Variants in SDK1 observed in about 807,000 individuals in gnomAD.
SDK1 encodes the protein protein sidekick-1.
A neutral mutation model predicts 245.5 loss-of-function variants in SDK1; 157 were observed. The ratio of observed to expected loss-of-function variants is 0.64; its 90% CI spans 0.56 to 0.73. The LOEUF (loss-of-function observed/expected upper bound fraction) is 0.73. Among genes scored for constraint, SDK1 ranks in the 30% least tolerant of loss-of-function variants. The pLI is 0.00. For synonymous variants in SDK1, 1,647 were observed against 1,278.5 expected (o/e 1.29, Z -6.15); for missense variants, 3,583 against 3,002.3 (o/e 1.19, Z -4.52).
chr7:3,346,215 C>G (rs1409357613), intron 1 of SDK1, among the ~76,000 whole-genome samples: 1 of 152,056 alleles, frequency 6.6e-6, no homozygotes, highest in African/African-American at 2.4e-5. Context: ...TGATTGTGCC[C>G]TGCATGTGGG....
intron 5 of SDK1, among the ~76,000 whole-genome samples, chr7:3,902,496 TAC>T (rs1236989172): frequency 6.6e-6 from 1 of 152,254 alleles, no homozygotes; most frequent in Non-Finnish European, 1.5e-5. Flanking sequence ...CATTAAGGGT[TAC>T]AGTCAGATAT....
intron 1 of SDK1, among the ~76,000 whole-genome samples, chr7:3,597,482 C>A (rs1477747433): frequency 6.6e-6 from 1 of 152,028 alleles, no homozygotes; most frequent in Non-Finnish European, 1.5e-5. Context: ...CACAGAACAC[C>A]GGCGGCGGGG....
chr7:4,153,063 G>T (rs1441829545), intron 30 of SDK1, among the ~76,000 whole-genome samples: 4 of 152,146 alleles, frequency 2.6e-5, no homozygotes, highest in African/African-American at 9.6e-5. Context: ...GCGGGCTCAG[G>T]GGGTGGCTGT....
At chr7:3,983,469 G>A (rs1355175896) in intron 13 of SDK1, among the ~76,000 whole-genome samples, 1 of 149,086 alleles carries the variant, frequency 6.7e-6, no homozygotes, top group African/African-American at 2.5e-5. Flanking sequence ...AGGCTCAGAT[G>A]ATCACCTTTT....
intron 4 of SDK1, among the ~76,000 whole-genome samples, chr7:3,789,126 A>G (rs1781000015): frequency 6.6e-6 from 1 of 152,066 alleles, no homozygotes; most frequent in Non-Finnish European, 1.5e-5. Context: ...AAGGCCACTA[A>G]CCGGGGAAAG....
At chr7:3,611,847 G>A (rs191341949) in intron 1 of SDK1, among the ~76,000 whole-genome samples, 5 of 152,208 alleles carry the variant, frequency 3.3e-5, no homozygotes, top group Middle Eastern at 3.4e-3. Flanking sequence ...TGGTGATGGG[G>A]TGAAAAGGGA....
intron 4 of SDK1, among the ~76,000 whole-genome samples, chr7:3,785,715 A>G (rs1484208174): frequency 1.3e-5 from 2 of 152,174 alleles, no homozygotes; most frequent in East Asian, 3.9e-4. Flanking sequence ...AAAAAAAAAT[A>G]CACTTGCTCA....
At chr7:3,723,011 A>G (rs1189501974) in intron 4 of SDK1, among the ~76,000 whole-genome samples, 1 of 152,254 alleles carries the variant, frequency 6.6e-6, no homozygotes, top group East Asian at 1.9e-4. Flanking sequence ...AGAAGTAACA[A>G]GTAATATTCA....
chr7:3,605,145 A>AACACACAC (rs3086077), intron 1 of SDK1, among the ~76,000 whole-genome samples: 27,020 of 147,244 alleles, frequency 0.18, 2,863 homozygotes, highest in South Asian at 0.29. Context: ...AAAAACAAGA[A>AACACACAC]ACACACACAC....
intron 1 of SDK1, among the ~76,000 whole-genome samples, chr7:3,438,474 T>C (rs865922956): frequency 8.5e-5 from 13 of 152,220 alleles, no homozygotes; most frequent in Admixed American, 2.6e-4. Flanking sequence ...TTCTGTCTTA[T>C]CTGTGCTGTC....
At chr7:3,945,840 A>G (rs1583603186) in intron 5 of SDK1, among the ~76,000 whole-genome samples, 1 of 130,660 alleles carries the variant, frequency 7.7e-6, no homozygotes, top group East Asian at 2.7e-4. Context: ...CGGAGCTTGC[A>G]GTGACCTGAG....
intron 1 of SDK1, among the ~76,000 whole-genome samples, chr7:3,562,805 C>T (rs970573865): frequency 6.6e-6 from 1 of 151,958 alleles, no homozygotes; most frequent in Non-Finnish European, 1.5e-5. Context: ...TAAGAAGTAT[C>T]TTCAGCTATA....
intron 1 of SDK1, chr7:3,476,032 A>G (rs1031900542): frequency 6.5e-6 from 1 of 152,674 alleles, no homozygotes; most frequent in Non-Finnish European, 1.5e-5. Context: ...TCATCATCAA[A>G]AAGTCTGTAT....
intron 4 of SDK1, among the ~76,000 whole-genome samples, chr7:3,742,592 C>G (rs956891908): frequency 6.6e-6 from 1 of 152,204 alleles, no homozygotes; most frequent in Non-Finnish European, 1.5e-5. Context: ...CATGTCACTT[C>G]TCTTTAGCAT....
chr7:3,475,163 C>T (rs1781314620), intron 1 of SDK1, among the ~76,000 whole-genome samples: 1 of 152,220 alleles, frequency 6.6e-6, no homozygotes, highest in Non-Finnish European at 1.5e-5. Context: ...TATGTAGAAG[C>T]TGATGACTAG....
chr7:3,622,531 A>C (rs1781974010), intron 2 of SDK1, among the ~76,000 whole-genome samples: 1 of 152,194 alleles, frequency 6.6e-6, no homozygotes, highest in Non-Finnish European at 1.5e-5. Flanking sequence ...TTAAATGCCA[A>C]AGTGTACAAA....
At chr7:3,505,942 A>G (rs1782378277) in intron 1 of SDK1, among the ~76,000 whole-genome samples, 2 of 151,896 alleles carry the variant, frequency 1.3e-5, no homozygotes, top group Non-Finnish European at 2.9e-5. Flanking sequence ...TATGCATTTT[A>G]TATTTATTTT....
intron 5 of SDK1, among the ~76,000 whole-genome samples, chr7:3,901,371 A>G (rs1781785119): frequency 2.0e-5 from 3 of 152,018 alleles, no homozygotes; most frequent in Admixed American, 2.0e-4. Flanking sequence ...TTTTTTTAAT[A>G]GAGACGGGGT....
chr7:3,504,472 TTGG>T (rs939038484), intron 1 of SDK1, among the ~76,000 whole-genome samples: 1 of 152,006 alleles, frequency 6.6e-6, no homozygotes, highest in Non-Finnish European at 1.5e-5. Context: ...GACATATATG[TTGG>T]TGGAATAGAA....
Sources: allele counts gnomAD v4.1 joint callset (sites outside exome capture counted in the v4.1 genomes callset), GRCh38; gene constraint gnomAD v4.1.1; transcripts MANE v1.5; gene names NCBI Gene and HGNC (gene_info 2026-07-23, HGNC 2026-07-21).